SPECC1: variants seen among roughly 807,000 people sequenced by gnomAD.
SPECC1 encodes the protein sperm antigen with calponin homology and coiled-coil domains 1.
SPECC1 carries 62 observed loss-of-function variants against 104.1 expected under a neutral mutation model. That is an observed-to-expected ratio of 0.60 (90% CI 0.49 to 0.74). The LOEUF (loss-of-function observed/expected upper bound fraction) is 0.74, where lower values mean the gene tolerates loss of function less well. Among genes scored for constraint, SPECC1 ranks in the 30% least tolerant of loss-of-function variants. The pLI is 0.00. For missense variants in SPECC1, 1,306 were observed against 1,310.5 expected, an observed-to-expected ratio of 1.00 and a Z score of 0.05; for synonymous variants, 513 against 501.6, an observed-to-expected ratio of 1.02 and a Z score of -0.30.
intron 9 of SPECC1, 27 bp from the exon 10 acceptor site, chr17:20,253,478 G>A (rs768233873): frequency 2.1e-5 from 34 of 1,612,244 alleles, no homozygotes; most frequent in South Asian, 1.2e-4. Flanking sequence ...TGAGCTCACC[G>A]TGCTGGTGTC....
intron 7 of SPECC1, chr17:20,238,019 G>T (rs769347900): frequency 3.9e-6 from 4 of 1,019,256 alleles, no homozygotes; most frequent in Non-Finnish European, 4.7e-6. Context: ...TGGGATTACA[G>T]GCTTGAGACC....
rs2042038643 is a variant in SPECC1, at chr17:20,316,212, A to G, written c.*2147A>G. 4.4e-6 allele frequency: 1 copy of G among 229,458 alleles called. No individual in the cohort carries two copies. The highest frequency in any genetic ancestry group is 8.6e-6 in the Non-Finnish European group (1 of 116,092). The allele number at this position is 229,458 out of a possible 1,614,324, so 14.2% of individuals were successfully genotyped here. ...GTACTTCTTCTTTGCCCACCATTAAAGTGGGGGAAAGTAATATCCCAAGTA... is the reference window on the plus strand; with the variant it reads ...GTACTTCTTCTTTGCCCACCATTAAGGTGGGGGAAAGTAATATCCCAAGTA... On this transcript the variant is annotated 3_prime_UTR_variant, in exon 15 of 15. Transcript: ENST00000395527.
chr17:20,254,227 T>TCAGCAGTCC (rs1281816544), intron 10 of SPECC1, among the ~76,000 whole-genome samples: 1 of 150,784 alleles, frequency 6.6e-6, no homozygotes, highest in East Asian at 2.0e-4. Context: ...GAGGTTGCAT[T>TCAGCAGTCC]CAGCAGTCCC....
At chr17:20,242,060 C>T (rs1413724681) in intron 7 of SPECC1, among the ~76,000 whole-genome samples, 1 of 152,182 alleles carries the variant, frequency 6.6e-6, no homozygotes, top group Non-Finnish European at 1.5e-5. Context: ...CCGCCCTCTT[C>T]ACAAATATTA....
chr17:20,314,160 C>A lies in SPECC1; in HGVS notation c.*95C>A. 4 of 1,060,728 alleles carry A rather than the reference C, an allele frequency of 3.8e-6. No individual in the cohort carries two copies. Among genetic ancestry groups the A allele is most frequent in the Non-Finnish European group, 4.3e-6 (3 of 705,696 alleles). 65.7% of individuals were successfully genotyped at this position (1,060,728 alleles called of 1,614,324 possible). On this transcript the variant is annotated 3_prime_UTR_variant, in exon 15 of 15. Coordinates refer to ENST00000395527, the MANE Select transcript of SPECC1 (RefSeq NM_001243439.2). ...CCACTGACCCTGCTCTGCCCACCACCCAGCTGCCTAGACTTCAAAGACAGG... is the reference window on the plus strand; with the variant it reads ...CCACTGACCCTGCTCTGCCCACCACACAGCTGCCTAGACTTCAAAGACAGG...
chr17:20,013,100 T>C (rs2043997155), intron 1 of SPECC1, among the ~76,000 whole-genome samples: 1 of 152,246 alleles, frequency 6.6e-6, no homozygotes, highest in South Asian at 2.1e-4. Context: ...TATCCATATA[T>C]TTATCAAAGG....
chr17:20,087,529 C>A (rs1169426990), intron 1 of SPECC1, among the ~76,000 whole-genome samples: 1 of 152,114 alleles, frequency 6.6e-6, no homozygotes, highest in Non-Finnish European at 1.5e-5. Flanking sequence ...AATTCAGCAC[C>A]TATTTAGTGA....
chr17:20,135,793 A>G (rs944370853), intron 3 of SPECC1, among the ~76,000 whole-genome samples: 1 of 152,210 alleles, frequency 6.6e-6, no homozygotes, highest in Non-Finnish European at 1.5e-5. Context: ...GAATTACATT[A>G]GGAACCATGT....
Position 20,232,341 on chromosome 17 carries a change from T to A in SPECC1, c.2287T>A (p.Leu763Met). 6.2e-7 allele frequency: 1 copy of A among 1,614,042 alleles called. No individual in the cohort carries two copies. Among genetic ancestry groups the A allele is most frequent in the South Asian group, 1.1e-5 (1 of 91,074 alleles). The change falls in exon 7 of 15, where the codon TTG becomes ATG. Residue 763 changes from leucine to methionine, a missense_variant. This residue lies in a region of SPECC1 where 1,177 missense variants were observed against 1,139.9 expected (regional missense o/e 1.03). Coordinates refer to ENST00000395527, the MANE Select transcript of SPECC1 (RefSeq NM_001243439.2). ...LLEEEEKNAR[L>M]QKELGDVQGH... ...GGAGGAGGAGGAGAAGAATGCCCGG[T>A]TGCAGAAGGAGCTGGGGGATGTGCA... is the stretch of plus-strand genomic sequence containing the variant.
intron 3 of SPECC1, chr17:20,112,522 C>T (rs1402820695): frequency 1.3e-6 from 1 of 773,480 alleles, no homozygotes; most frequent in East Asian, 2.4e-5. Flanking sequence ...CTCATTTGGA[C>T]CTTTGAAACA....
At chr17:20,211,660 G>T (rs917610000) in intron 4 of SPECC1, among the ~76,000 whole-genome samples, 13 of 152,252 alleles carry the variant, frequency 8.5e-5, no homozygotes, top group African/African-American at 2.9e-4. Flanking sequence ...ACACCCCCAG[G>T]TCTCTGTTCT....
chr17:20,293,921 C>T (rs1364394157), intron 12 of SPECC1, among the ~76,000 whole-genome samples: 1 of 152,046 alleles, frequency 6.6e-6, no homozygotes, highest in East Asian at 1.9e-4. Flanking sequence ...CCCAGCTGGC[C>T]TAGGGGACCG....
intron 1 of SPECC1, among the ~76,000 whole-genome samples, chr17:20,046,356 G>A (rs2152457332): frequency 6.6e-6 from 1 of 152,196 alleles, no homozygotes; most frequent in South Asian, 2.1e-4. Flanking sequence ...CCCAGACCAT[G>A]AGATTTAATT....
intron 12 of SPECC1, among the ~76,000 whole-genome samples, chr17:20,275,133 T>C: frequency 6.6e-6 from 1 of 152,156 alleles, no homozygotes; most frequent in East Asian, 1.9e-4. Context: ...TTTTGACCCA[T>C]TTATGTAATT....
chr17:20,135,513 A>G (rs1327431780), intron 3 of SPECC1, among the ~76,000 whole-genome samples: 1 of 152,168 alleles, frequency 6.6e-6, no homozygotes, highest in Non-Finnish European at 1.5e-5. Flanking sequence ...GTGCAGTGGT[A>G]TGATCATGGC....
intron 12 of SPECC1, among the ~76,000 whole-genome samples, chr17:20,263,960 C>T (rs1248370876): frequency 6.6e-6 from 1 of 152,144 alleles, no homozygotes; most frequent in Admixed American, 6.5e-5. Flanking sequence ...ACCCAAAACT[C>T]ATTTTGCCTG....
chr17:20,257,798 T>C (rs773890421), intron 11 of SPECC1, among the ~76,000 whole-genome samples, 191 bp downstream of exon 11: 18 of 152,140 alleles, frequency 1.2e-4, no homozygotes, highest in Admixed American at 3.9e-4. Context: ...CAAAATGGAA[T>C]TAAGGGCTGT....
intron 12 of SPECC1, among the ~76,000 whole-genome samples, chr17:20,285,263 G>A (rs917401503): frequency 9.9e-5 from 15 of 152,144 alleles, no homozygotes; most frequent in Non-Finnish European, 1.6e-4. Context: ...ACATTCCCCC[G>A]TCTGCAACTT....
intron 3 of SPECC1, chr17:20,112,842 G>A: frequency 6.3e-7 from 1 of 1,589,176 alleles, no homozygotes; most frequent in South Asian, 1.1e-5. Flanking sequence ...TGTAACCTCA[G>A]AGGAGCAACT....
Sources: allele counts gnomAD v4.1 joint callset (sites outside exome capture counted in the v4.1 genomes callset), GRCh38; gene constraint gnomAD v4.1.1; regional missense constraint gnomAD v4.1.1; transcripts MANE v1.5; gene names NCBI Gene and HGNC (gene_info 2026-07-23, HGNC 2026-07-21).